Variants in GSN observed in about 807,000 individuals in gnomAD.
GSN encodes the protein gelsolin.
GSN carries 56 observed loss-of-function variants against 85.7 expected under a neutral mutation model. The observed-to-expected ratio is 0.65, with a 90% CI of 0.53 to 0.82. The LOEUF is 0.82. Ranked by LOEUF, GSN falls within the 40% of genes least tolerant of loss-of-function variation. The probability of loss-of-function intolerance (pLI) is 0.00; values close to 1 mark genes in which losing one functional copy is unlikely to be tolerated. For missense variants in GSN, 857 were observed against 979.8 expected (o/e 0.87, Z 1.67); for synonymous variants, 373 against 399.1 (o/e 0.93, Z 0.78).
chr9:121,228,694 G>C lies in GSN; in HGVS notation c.-527-2471G>C, dbSNP rs139690964. On this transcript the variant is annotated intron_variant, in intron 4 of 24. Coordinates refer to the GSN transcript ENST00000373823. ...CCTGCCTCAGTCTCCCAAAGTGCTG[G>C]GATTACAGGCAAGAGCCACTGTGCC... 6.0e-3 allele frequency among the ~76,000 whole-genome samples: 911 copies of C among 151,820 alleles called. 10 individuals carry two copies. The highest frequency in any genetic ancestry group is 0.02 in the African/African-American group (844 of 41,346).
intron 6 of GSN, among the ~76,000 whole-genome samples, chr9:121,249,323 A>G (rs1207326533): frequency 1.3e-5 from 2 of 152,128 alleles, no homozygotes; most frequent in Non-Finnish European, 2.9e-5. Context: ...TTTAAATACA[A>G]AAATTTAGCC....
intron 2 of GSN, chr9:121,282,774 C>T (rs751879509): frequency 5.0e-6 from 2 of 401,708 alleles, no homozygotes; most frequent in Non-Finnish European, 9.1e-6. Flanking sequence ...CTCCAAAAGC[C>T]AAGTTGCCTC....
chr9:121,233,060 T>G (rs182068953), intron 5 of GSN, among the ~76,000 whole-genome samples: 1 of 152,222 alleles, frequency 6.6e-6, no homozygotes, highest in Non-Finnish European at 1.5e-5. Context: ...CTGAGACTGC[T>G]TAACCAACAA....
intron 4 of GSN, among the ~76,000 whole-genome samples, chr9:121,229,062 T>C (rs1424687191): frequency 6.6e-6 from 1 of 152,204 alleles, no homozygotes; most frequent in Admixed American, 6.5e-5. Context: ...AGACCATGTT[T>C]GCATTCTCCT....
intron 5 of GSN, among the ~76,000 whole-genome samples, chr9:121,231,533 T>C (rs1452199950): frequency 1.3e-5 from 2 of 152,074 alleles, no homozygotes; most frequent in Non-Finnish European, 2.9e-5. Context: ...TCAGACATGA[T>C]TTTGAAGAAG....
Position 121,329,957 on chromosome 9 carries a change from G to T in GSN, c.1965+642G>T, listed in dbSNP as rs1376869873. Among the ~76,000 whole-genome samples, 2 of 152,174 alleles carry T rather than the reference G, an allele frequency of 1.3e-5. No individual in the cohort carries two copies. Among genetic ancestry groups the T allele is most frequent in the African/African-American group, 4.8e-5 (2 of 41,424 alleles). On this transcript the variant is annotated intron_variant, in intron 16 of 17. Transcript: ENST00000432226. This position sits in a 1 kb window ranked among gnomAD's most constrained non-coding sequence, Gnocchi z 4.6. Reference sequence around the variant, plus strand: ...GGTCAGTCACCTTTCCTATCAAGGTGGCTTCTCCCAGAGTCCTCAGAGTTA... The same window carrying T: ...GGTCAGTCACCTTTCCTATCAAGGTTGCTTCTCCCAGAGTCCTCAGAGTTA...
In GSN at chr9:121,318,686, G is replaced by A. The variant is rs751431867; in HGVS notation, c.997G>A (p.Gly333Ser). The change falls in exon 10 of 18, where the codon GGT becomes AGT. Residue 333 changes from glycine (G) to serine (S), a missense_variant. By Grantham distance (56) the Gly-to-Ser change is moderately conservative. Transcript: ENST00000432226. The surrounding 1 kb of genome is among the most constrained non-coding windows in gnomAD (Gnocchi z 4.3). Reference sequence around the variant, plus strand: ...CCAGGTCTCGGTCCTTCCTGAGGGCGGTGAGACCCCACTGTTCAAGCAGTT... The same window carrying A: ...CCAGGTCTCGGTCCTTCCTGAGGGCAGTGAGACCCCACTGTTCAAGCAGTT... ...QTQVSVLPEGGETPLFKQFFK... is the reference protein window; with the variant it reads ...QTQVSVLPEGSETPLFKQFFK... 88 of 1,613,048 alleles carry A rather than the reference G, an allele frequency of 5.5e-5. 1 individual carries two copies. The highest frequency in any genetic ancestry group is 1.6e-4 in the Middle Eastern group (1 of 6,084).
At chr9:121,275,338 C>T (rs1353647558) in intron 1 of GSN, among the ~76,000 whole-genome samples, 1 of 152,218 alleles carries the variant, frequency 6.6e-6, no homozygotes, top group South Asian at 2.1e-4. Flanking sequence ...TCAATACCCA[C>T]TTCACAGAAT....
At chr9:121,229,910 C>T (rs2054353961) in intron 4 of GSN, among the ~76,000 whole-genome samples, 1 of 152,182 alleles carries the variant, frequency 6.6e-6, no homozygotes, top group South Asian at 2.1e-4. Flanking sequence ...TTCATCTACA[C>T]TTTTTCTTTT....
intron 4 of GSN, chr9:121,308,481 AC>A (rs2060676304): frequency 6.6e-6 from 1 of 152,206 alleles, no homozygotes. Context: ...GGAGTTCGAG[AC>A]CAGCCTGGCC....
intron 5 of GSN, chr9:121,311,249 G>C: frequency 3.5e-6 from 1 of 284,000 alleles, no homozygotes; most frequent in Non-Finnish European, 6.9e-6. Context: ...TGTCATACAT[G>C]TAGTTGCACA....
intron 1 of GSN, among the ~76,000 whole-genome samples, chr9:121,270,992 G>C (rs1176962751): frequency 6.6e-6 from 1 of 152,202 alleles, no homozygotes; most frequent in Non-Finnish European, 1.5e-5. Context: ...TTCTTTGGGT[G>C]ACCTTGGGCA....
upstream of GSN, among the ~76,000 whole-genome samples, chr9:121,207,178 A>G (rs2053895324): frequency 6.6e-6 from 1 of 152,236 alleles, no homozygotes; most frequent in Non-Finnish European, 1.5e-5. Context: ...GGTGCTGTTG[A>G]GAACTGAGAT....
Position 121,299,956 on chromosome 9 carries a change from GGGGGGCGTCCCAGGC to G in GSN, c.-9-1999_-9-1985del, listed in dbSNP as rs751499422. On this transcript the variant is annotated intron_variant, in intron 2 of 17. Coordinates refer to ENST00000432226, the MANE Select transcript of GSN (RefSeq NM_198252.3). This position sits in a 1 kb window ranked among gnomAD's most constrained non-coding sequence, Gnocchi z 4.2. ...CCCGTCCGCGCGGCCACTGCGTCGC[GGGGGGCGTCCCAGGC>G]GGGGGCGCCCCAGGGGCGGGTGCCC... 9.4e-6 allele frequency: 12 copies of G among 1,275,382 alleles called. No individual in the cohort carries two copies. Among genetic ancestry groups the G allele is most frequent in the Non-Finnish European group, 9.9e-6 (10 of 1,009,176 alleles). The allele number at this position is 1,275,382 out of a possible 1,614,324, so 79.0% of individuals were successfully genotyped here. A position where few individuals can be genotyped will look rare whatever the true frequency, so the allele number is the denominator to read the frequency against.
intron 4 of GSN, among the ~76,000 whole-genome samples, chr9:121,225,607 C>T (rs1014729202): frequency 2.6e-5 from 4 of 152,220 alleles, no homozygotes; most frequent in African/African-American, 4.8e-5. Flanking sequence ...GAAAAGAACT[C>T]AGGTTTTCAA....
intron 5 of GSN, chr9:121,311,431 G>A (rs895676799): frequency 4.8e-5 from 8 of 165,262 alleles, no homozygotes; most frequent in South Asian, 1.6e-4. Context: ...TATAATGTCC[G>A]TGCAAACATG....
At chr9:121,218,432 C>A (rs1303857919) in intron 4 of GSN, among the ~76,000 whole-genome samples, 1 of 151,996 alleles carries the variant, frequency 6.6e-6, no homozygotes, top group Non-Finnish European at 1.5e-5. Context: ...GTCAGGGGTT[C>A]AAGACCAGCC....
Position 121,310,444 on chromosome 9 carries a change from C to T in GSN, c.352-240C>T. The T allele has an allele frequency of 5.4e-6, 3 of 555,528 alleles. No individual in the cohort carries two copies. In the South Asian group the frequency reaches 5.9e-5, roughly 11 times the overall value. 34.4% of individuals were successfully genotyped at this position (555,528 alleles called of 1,614,324 possible). A position where few individuals can be genotyped will look rare whatever the true frequency, so the allele number is the denominator to read the frequency against. ...GCAGTGGGCAGGGAATCTCTCACTTCTTAGCTGTGTGGCCTTGGGCAAATT... is the reference window on the plus strand; with the variant it reads ...GCAGTGGGCAGGGAATCTCTCACTTTTTAGCTGTGTGGCCTTGGGCAAATT... On this transcript the variant is annotated intron_variant, in intron 4 of 17. Coordinates refer to ENST00000432226, the MANE Select transcript of GSN (RefSeq NM_198252.3).
intron 10 of GSN, among the ~76,000 whole-genome samples, chr9:121,320,489 A>G (rs1432661555): frequency 6.6e-6 from 1 of 152,168 alleles, no homozygotes; most frequent in Non-Finnish European, 1.5e-5. Flanking sequence ...TACTAAAAAT[A>G]CAAAACTTAG....
Sources: allele counts gnomAD v4.1 joint callset (sites outside exome capture counted in the v4.1 genomes callset), GRCh38; gene constraint gnomAD v4.1.1; non-coding constraint Gnocchi (gnomAD v3.1); transcripts MANE v1.5; gene names NCBI Gene and HGNC (gene_info 2026-07-23, HGNC 2026-07-21).